The following CPNE7 variants were observed in gnomAD, a reference collection of about 807,000 sequenced individuals.
The protein encoded by CPNE7 is copine-7.
Under a neutral mutation model 66.5 loss-of-function variants are expected in CPNE7, and 78 were observed. That is an observed-to-expected ratio of 1.17 (90% CI 0.98 to 1.42). CPNE7 has a LOEUF of 1.42. CPNE7 is among the 40% of genes most tolerant of loss of function. CPNE7 has a pLI of 0.00. For synonymous variants in CPNE7, 468 were observed against 336.7 expected (o/e 1.39, Z -4.27); for missense variants, 1,012 against 776.6 (o/e 1.30, Z -3.60).
At chr16:89,586,995 G>T in intron 8 of CPNE7, 48 bp from the exon 9 acceptor site, 1 of 1,542,154 alleles carries the variant, frequency 6.5e-7, no homozygotes, top group Non-Finnish European at 8.8e-7. Context: ...GCTGGCACTG[G>T]CCTCAGTGTC....
Position 89,584,999 on chromosome 16 carries a change from AT to A in CPNE7, c.591+143del. 2 of 756,580 alleles carry A rather than the reference AT, an allele frequency of 2.6e-6. No individual in the cohort carries two copies. The highest frequency in any genetic ancestry group is 4.3e-6 in the Non-Finnish European group (2 of 462,152). 46.9% of individuals were successfully genotyped at this position (756,580 alleles called of 1,614,324 possible). A position where few individuals can be genotyped will look rare whatever the true frequency, so the allele number is the denominator to read the frequency against. The stretch of plus-strand genomic sequence containing the variant: ...TTTGGTGGCTGTGGCTATGGCCAGA[AT>A]CCAACAGGGAGCCGCAGGCGCAGGG... On this transcript the variant is annotated intron_variant, in intron 5 of 14. Coordinates refer to ENST00000319518, the MANE Select transcript of CPNE7 (RefSeq NM_153636.3). The surrounding 1 kb of genome is among the most constrained non-coding windows in gnomAD (Gnocchi z 6.0).
chr16:89,583,432 C>T, intron 2 of CPNE7: 3 of 1,549,594 alleles, frequency 1.9e-6, no homozygotes, highest in Non-Finnish European at 2.6e-6. Context: ...TGTTTCCTCA[C>T]CTGGTAAATA....
intron 13 of CPNE7, among the ~76,000 whole-genome samples, chr16:89,594,488 C>T (rs962955483): frequency 6.6e-6 from 1 of 152,068 alleles, no homozygotes; most frequent in Admixed American, 6.5e-5. Context: ...TCAGTCAAGG[C>T]CAGCCCAGGG....
chr16:89,584,920 C>T lies in CPNE7; in HGVS notation c.591+63C>T. The stretch of plus-strand genomic sequence containing the variant: ...GGCTGTCCCCAGCCCTCACGCATCT[C>T]TGGCCACATGGGAGGAGCTCCCAGC... On this transcript the variant is annotated intron_variant, in intron 5 of 14. Transcript: ENST00000319518. The surrounding 1 kb of genome is among the most constrained non-coding windows in gnomAD (Gnocchi z 6.0). The T allele has an allele frequency of 7.0e-7, 1 of 1,433,872 alleles. No individual in the cohort carries two copies. Among genetic ancestry groups the T allele is most frequent in the South Asian group, 1.2e-5 (1 of 86,142 alleles). 88.8% of individuals were successfully genotyped at this position (1,433,872 alleles called of 1,614,324 possible).
Position 89,589,906 on chromosome 16 carries a change from G to A in CPNE7, c.1071G>A (p.Arg357=). ...EICQDYDSDK[R]FSALGFGARI... is the part of the protein sequence containing the mutation. ...CCTGCCTCTCTTCCAGTGACAAGAGGTTTTCCGCTTTGGGGTTTGGAGCCC... is the reference window on the plus strand; with the variant it reads ...CCTGCCTCTCTTCCAGTGACAAGAGATTTTCCGCTTTGGGGTTTGGAGCCC... The change falls in exon 11 of 15, where the codon AGG becomes AGA. Residue 357 remains arginine (R), a synonymous_variant. Transcript: ENST00000319518. 2 of 1,613,802 alleles carry A rather than the reference G, an allele frequency of 1.2e-6. No individual in the cohort carries two copies.
rs899273607 is a variant in CPNE7, at chr16:89,584,649, C to T, written c.508-125C>T. On this transcript the variant is annotated intron_variant, in intron 4 of 14. Coordinates refer to ENST00000319518, the MANE Select transcript of CPNE7 (RefSeq NM_153636.3). The surrounding 1 kb of genome is among the most constrained non-coding windows in gnomAD (Gnocchi z 6.0). The stretch of plus-strand genomic sequence containing the variant: ...TGCTGTCGGCGGGGACTGGCTGCCT[C>T]GTTTTGTGCCTGAGGAATTAGCGGC... 1.8e-5 allele frequency: 13 copies of T among 717,028 alleles called. No homozygotes were observed. The highest frequency in any genetic ancestry group is 1.7e-4 in the Admixed American group (8 of 46,486). The allele number at this position is 717,028 out of a possible 1,614,324, so 44.4% of individuals were successfully genotyped here.
rs376818326 is a variant in CPNE7 at position 89,583,683 on chromosome 16, C to A, written c.358-14C>A. On this transcript the variant is annotated splice_polypyrimidine_tract_variant and intron_variant, in intron 2 of 14. Transcript: ENST00000319518. The stretch of plus-strand genomic sequence containing the variant: ...CCCGCCTGCCCCTCCCTGCCTGACG[C>A]CTCTGACTTACAGATTGTGGCCCAG... 3.5e-5 allele frequency: 57 copies of A among 1,612,600 alleles called. No individual in the cohort carries two copies. Among genetic ancestry groups the A allele is most frequent in the Non-Finnish European group, 4.4e-5 (52 of 1,179,872 alleles).
chr16:89,577,453 G>GT, intron 1 of CPNE7, 86 bp from the exon 2 acceptor site: 1 of 1,361,158 alleles, frequency 7.3e-7, no homozygotes, highest in Non-Finnish European at 1.0e-6. Flanking sequence ...GTACCTGGGC[G>GT]TGGGTGAGCG....
intron 6 of CPNE7, 55 bp downstream of exon 6, chr16:89,585,608 G>A: frequency 6.4e-7 from 1 of 1,567,612 alleles, no homozygotes; most frequent in Non-Finnish European, 8.7e-7. Context: ...GATGTGGGCT[G>A]CGATGGAGAC....
chr16:89,575,851 G>C lies in CPNE7; in HGVS notation c.-47G>C. ...GCGCCGCGGCGGCGCCGACTCGCGG[G>C]CAGCGGCCCCTCAGTGCGCCCAGCC... On this transcript the variant is annotated 5_prime_UTR_variant, in exon 1 of 15. Coordinates refer to ENST00000319518, the MANE Select transcript of CPNE7 (RefSeq NM_153636.3). 1 of 1,165,766 alleles carries C rather than the reference G, an allele frequency of 8.6e-7. No individual in the cohort carries two copies. Among genetic ancestry groups the C allele is most frequent in the Non-Finnish European group, 1.1e-6 (1 of 945,044 alleles). The allele number at this position is 1,165,766 out of a possible 1,614,324, so 72.2% of individuals were successfully genotyped here.
At position 89,575,897 on chromosome 16, in the gene CPNE7, C is replaced by A. The variant is rs987061210; in HGVS notation, c.-1C>A. 2 of 1,226,886 alleles carry A rather than the reference C, an allele frequency of 1.6e-6. No individual in the cohort carries two copies. The highest frequency in any genetic ancestry group is 6.6e-5 in the East Asian group (2 of 30,326). The allele number at this position is 1,226,886 out of a possible 1,614,324, so 76.0% of individuals were successfully genotyped here. A position where few individuals can be genotyped will look rare whatever the true frequency, so the allele number is the denominator to read the frequency against. ...CAGCCGGGCCCCCGAACGCCGGGAG[C>A]ATGAGCGCGGGCTCGGAGCGCGGGG... On this transcript the variant is annotated 5_prime_UTR_variant, in exon 1 of 15. Coordinates refer to ENST00000319518, the MANE Select transcript of CPNE7 (RefSeq NM_153636.3).
At chr16:89,587,665 C>T (rs975046183) in intron 9 of CPNE7, 8 of 430,408 alleles carry the variant, frequency 1.9e-5, no homozygotes, top group Middle Eastern at 4.4e-4. Flanking sequence ...CCCATGTCAC[C>T]CGCAGACCCC....
chr16:89,586,913 G>T, intron 8 of CPNE7, 130 bp from the exon 9 acceptor site: 2 of 1,104,492 alleles, frequency 1.8e-6, no homozygotes, highest in Non-Finnish European at 2.7e-6. Flanking sequence ...GGGGAGAGAG[G>T]ATGGGGGAGA....
chr16:89,596,013 CAA>C, intron 14 of CPNE7: 1 of 479,246 alleles, frequency 2.1e-6, no homozygotes, highest in East Asian at 5.5e-5. Context: ...TTCTACCAGG[CAA>C]GACACACATG....
chr16:89,593,574 G>A (rs980192669), intron 13 of CPNE7, among the ~76,000 whole-genome samples: 3 of 151,676 alleles, frequency 2.0e-5, no homozygotes, highest in Non-Finnish European at 4.4e-5. Flanking sequence ...GGATGGTCTC[G>A]ATCTCCTGAC....
intron 9 of CPNE7, 117 bp from the exon 10 acceptor site, chr16:89,588,558 A>G (rs959535704): frequency 9.6e-5 from 126 of 1,308,326 alleles, no homozygotes; most frequent in Non-Finnish European, 1.3e-4. Context: ...AGCCCTACCC[A>G]CCTACGCGAC....
At position 89,585,112 on chromosome 16, in the gene CPNE7, C is replaced by T. The variant is rs546919500; in HGVS notation, c.591+255C>T. ...TTTTAGACCTACCTTCCACTTCCTG[C>T]AGGTGAAATGGGATTTCAGCGACGG... On this transcript the variant is annotated intron_variant, in intron 5 of 14. Transcript: ENST00000319518. Among the ~76,000 whole-genome samples, 43 of 152,336 alleles carry T rather than the reference C, an allele frequency of 2.8e-4. No individual in the cohort carries two copies. The South Asian group carries it at 7.9e-3, about 28-fold the overall frequency.
In CPNE7 at chr16:89,596,848, C is replaced by T; in HGVS notation, c.*227C>T. The T allele has an allele frequency of 2.1e-6, 1 of 466,262 alleles. No homozygotes were observed. The highest frequency in any genetic ancestry group is 3.6e-6 in the Non-Finnish European group (1 of 274,178). The allele number at this position is 466,262 out of a possible 1,614,324, so 28.9% of individuals were successfully genotyped here. ...GCCCCCATGCCTGGCCCTGCCTGAG[C>T]CAGGTGGGTGGAGGGAGGGAGATCA... is the stretch of plus-strand genomic sequence containing the variant. On this transcript the variant is annotated 3_prime_UTR_variant, in exon 15 of 15. Coordinates refer to ENST00000319518, the MANE Select transcript of CPNE7 (RefSeq NM_153636.3).
chr16:89,579,038 C>A, intron 2 of CPNE7: 1 of 1,481,494 alleles, frequency 6.7e-7, no homozygotes, highest in Non-Finnish European at 9.2e-7. Context: ...CGCCTGTAAT[C>A]GCAGCACTTT....
Sources: gnomAD v4.1 joint callset for allele counts (sites outside exome capture counted in the v4.1 genomes callset) on GRCh38, gnomAD v4.1.1 for gene constraint, Gnocchi (gnomAD v3.1) non-coding constraint, MANE v1.5 for transcripts, NCBI Gene and HGNC (gene_info 2026-07-23, HGNC 2026-07-21) for gene names.